Variants in FBP2 observed in about 807,000 individuals in gnomAD.
The protein encoded by FBP2 is fructose-bisphosphatase 2, also known as fructose-1,6-bisphosphatase isozyme 2.
In FBP2, 27 loss-of-function variants were observed where a neutral mutation model predicts 31.6. The observed-to-expected ratio is 0.85, with a 90% CI of 0.63 to 1.18. The LOEUF is 1.18. FBP2 is among the 50% of genes most tolerant of loss of function. The probability of loss-of-function intolerance (pLI) is 0.00; values close to 1 mark genes in which losing one functional copy is unlikely to be tolerated. For missense variants in FBP2, 421 were observed against 436.1 expected (o/e 0.97, Z 0.31); for synonymous variants, 168 against 179.8 (o/e 0.93, Z 0.53).
chr9:94,585,908 G>C (rs55730271), intron 2 of FBP2, among the ~76,000 whole-genome samples: 1 of 151,774 alleles, frequency 6.6e-6, no homozygotes, highest in African/African-American at 2.4e-5. Flanking sequence ...ACCATGCCGA[G>C]CTAAATTTTT....
intron 3 of FBP2, among the ~76,000 whole-genome samples, chr9:94,582,225 G>A (rs1247092375): frequency 6.6e-6 from 1 of 152,132 alleles, no homozygotes; most frequent in Non-Finnish European, 1.5e-5. Flanking sequence ...GGACCTAAAT[G>A]GAATACATTC....
At chr9:94,571,696 G>A in intron 3 of FBP2, 94 bp from the exon 4 acceptor site, 1 of 1,167,912 alleles carries the variant, frequency 8.6e-7, no homozygotes, top group Non-Finnish European at 1.2e-6. Context: ...TCGAATCACT[G>A]AAGGAAGCGC....
At chr9:94,585,952 T>G (rs1429408308) in intron 2 of FBP2, among the ~76,000 whole-genome samples, 1 of 152,128 alleles carries the variant, frequency 6.6e-6, no homozygotes, top group Admixed American at 6.5e-5. Flanking sequence ...TAGGCTGGTC[T>G]CAAACTCCTG....
At chr9:94,572,729 TACAC>T (rs1286596182) in intron 3 of FBP2, among the ~76,000 whole-genome samples, 1 of 152,064 alleles carries the variant, frequency 6.6e-6, no homozygotes, top group East Asian at 1.9e-4. Context: ...CACATGAGTT[TACAC>T]ACACACATAT....
intron 6 of FBP2, among the ~76,000 whole-genome samples, chr9:94,561,992 G>A (rs1827112372): frequency 6.6e-6 from 1 of 152,112 alleles, no homozygotes; most frequent in African/African-American, 2.4e-5. Flanking sequence ...ATGTAACTGA[G>A]TAAGTGACCA....
intron 2 of FBP2, 69 bp from the exon 3 acceptor site, chr9:94,584,738 G>T: frequency 2.2e-6 from 2 of 919,268 alleles, no homozygotes; most frequent in Non-Finnish European, 3.6e-6. Context: ...CTGTGTCAGG[G>T]CTGTGCGTGG....
chr9:94,587,066 C>T (rs1444650762), intron 2 of FBP2, among the ~76,000 whole-genome samples: 1 of 152,224 alleles, frequency 6.6e-6, no homozygotes, highest in African/African-American at 2.4e-5. Context: ...CAAGCGCCCA[C>T]TGAGGCGGTT....
chr9:94,590,532 A>G (rs1019614862), intron 1 of FBP2, among the ~76,000 whole-genome samples: 12 of 152,132 alleles, frequency 7.9e-5, no homozygotes, highest in Non-Finnish European at 1.5e-5. Flanking sequence ...CCTCGCGGTG[A>G]GTGTTACAGC....
intron 3 of FBP2, among the ~76,000 whole-genome samples, chr9:94,582,360 G>A (rs1827380451): frequency 1.5e-5 from 1 of 65,160 alleles, no homozygotes; most frequent in African/African-American, 5.6e-5. Flanking sequence ...GCGTGTGTGT[G>A]TGTGTGTGTG....
At chr9:94,562,458 A>C (rs1827123289) in intron 6 of FBP2, among the ~76,000 whole-genome samples, 1 of 152,134 alleles carries the variant, frequency 6.6e-6, no homozygotes, top group Non-Finnish European at 1.5e-5. Context: ...ACCTGGGCTA[A>C]GCACTCACAT....
intron 3 of FBP2, among the ~76,000 whole-genome samples, chr9:94,575,087 C>A (rs892311434): frequency 6.6e-6 from 1 of 151,942 alleles, no homozygotes; most frequent in Non-Finnish European, 1.5e-5. Context: ...GACTTTTTTC[C>A]TTTTTGTTGA....
intron 1 of FBP2, among the ~76,000 whole-genome samples, chr9:94,589,997 G>A (rs1188470289): frequency 1.3e-5 from 2 of 152,108 alleles, no homozygotes; most frequent in Non-Finnish European, 2.9e-5. Flanking sequence ...CCAGGCCTGC[G>A]GTGGGCAGAG....
intron 3 of FBP2, among the ~76,000 whole-genome samples, chr9:94,579,816 A>G (rs2131455447): frequency 6.6e-6 from 1 of 152,148 alleles, no homozygotes; most frequent in East Asian, 1.9e-4. Context: ...TTTTTCCTCA[A>G]CTCTTGTGAT....
intron 4 of FBP2, chr9:94,569,177 C>G (rs1827237352): frequency 6.6e-6 from 1 of 152,228 alleles, no homozygotes; most frequent in African/African-American, 2.4e-5. Context: ...AGGCCAAGGT[C>G]AGGCATGTAC....
At chr9:94,567,548 T>C in intron 4 of FBP2, 141 bp from the exon 5 acceptor site, 2 of 901,308 alleles carry the variant, frequency 2.2e-6, no homozygotes, top group East Asian at 4.9e-5. Context: ...GAACCTGCTC[T>C]TTGGTGTTTT....
At chr9:94,561,896 T>G (rs557082543) in intron 6 of FBP2, among the ~76,000 whole-genome samples, 21 of 152,340 alleles carry the variant, frequency 1.4e-4, no homozygotes, top group Admixed American at 5.2e-4. Flanking sequence ...TTAAGGGACA[T>G]GAGTATGTGA....
chr9:94,571,328 A>G (rs893084990), intron 4 of FBP2, 134 bp downstream of exon 4: 21 of 943,202 alleles, frequency 2.2e-5, no homozygotes, highest in Admixed American at 1.0e-4. Flanking sequence ...TGGCTCCCCA[A>G]ACTAGGCTCT....
At chr9:94,575,914 A>G in intron 3 of FBP2, among the ~76,000 whole-genome samples, 1 of 152,218 alleles carries the variant, frequency 6.6e-6, no homozygotes, top group East Asian at 1.9e-4. Flanking sequence ...GTTTCAAGAT[A>G]TAACCTTGAA....
Position 94,571,593 on chromosome 9 carries a change from C to T in FBP2, c.436G>A (p.Asp146Asn). 1 of 1,612,332 alleles carries T rather than the reference C, an allele frequency of 6.2e-7. No individual in the cohort carries two copies. The highest frequency in any genetic ancestry group is 8.5e-7 in the Non-Finnish European group (1 of 1,179,064). The change falls in exon 4 of 7, where the codon GAT becomes AAT. Residue 146 changes from aspartate (D) to asparagine (N), a missense_variant. Coordinates refer to ENST00000375337, the MANE Select transcript of FBP2 (RefSeq NM_003837.4). ...IFAIYRKTSE[D>N]EPSEKDALQC... The stretch of plus-strand genomic sequence containing the variant: ...AGGGCATCCTTTTCAGAAGGCTCAT[C>T]CTCTGAGGTCTGTGGAAGAGAGGGA...
Sources: gnomAD v4.1 joint callset for allele counts (sites outside exome capture counted in the v4.1 genomes callset) on GRCh38, gnomAD v4.1.1 for gene constraint, MANE v1.5 for transcripts, NCBI Gene and HGNC (gene_info 2026-07-23, HGNC 2026-07-21) for gene names.